The following GABBR2 variants were observed in gnomAD, a reference collection of about 807,000 sequenced individuals.
GABBR2 encodes the protein G-protein coupled receptor 51.
A neutral mutation model predicts 105.6 loss-of-function variants in GABBR2; 23 were observed. The observed-to-expected ratio is 0.22, with a 90% CI of 0.16 to 0.31. GABBR2 has a LOEUF of 0.31. Among genes scored for constraint, GABBR2 ranks in the 10% least tolerant of loss-of-function variants. The pLI is 1.00. For synonymous variants in GABBR2, 478 were observed against 499.7 expected (o/e 0.96, Z 0.58); for missense variants, 734 against 1,245.5 (o/e 0.59, Z 6.18).
chr9:98,301,801 C>A (rs183412212), intron 16 of GABBR2, among the ~76,000 whole-genome samples: 2 of 152,260 alleles, frequency 1.3e-5, no homozygotes, highest in African/African-American at 4.8e-5. Context: ...TGAAACAGAG[C>A]CTGTAATGGG....
intron 6 of GABBR2, among the ~76,000 whole-genome samples, chr9:98,471,981 C>G (rs1379852167): frequency 6.6e-6 from 1 of 152,148 alleles, no homozygotes; most frequent in African/African-American, 2.4e-5. Context: ...GAGCTGTTTA[C>G]AAAATATGTC....
intron 11 of GABBR2, among the ~76,000 whole-genome samples, chr9:98,378,860 G>A (rs1831922891): frequency 6.6e-6 from 1 of 152,220 alleles, no homozygotes; most frequent in Non-Finnish European, 1.5e-5. Context: ...AAAATTCACT[G>A]AGTGCCACAC....
intron 11 of GABBR2, among the ~76,000 whole-genome samples, chr9:98,372,966 TTTTTC>T (rs1477005324): frequency 2.6e-5 from 4 of 152,066 alleles, no homozygotes; most frequent in Admixed American, 2.0e-4. Context: ...TTTCTTTTTC[TTTTTC>T]TTTTTTTTTA....
intron 11 of GABBR2, among the ~76,000 whole-genome samples, chr9:98,372,011 G>T (rs1003543664): frequency 3.9e-5 from 6 of 152,186 alleles, no homozygotes; most frequent in African/African-American, 1.4e-4. Context: ...ACCTCAGAAG[G>T]TCAGTTAGTC....
rs532713686 is a variant in GABBR2, at chr9:98,579,513, G to C, written c.322-1441C>G. Among the ~76,000 whole-genome samples the C allele has an allele frequency of 6.6e-5, 10 of 152,256 alleles. No individual in the cohort carries two copies. The East Asian group carries it at 1.9e-3, about 29-fold the overall frequency. ...GCAAGTTCAACCCCTCCACCATCTA[G>C]CTGTCTGAGGGTCCTTTGTCAAACA... On this transcript the variant is annotated intron_variant, in intron 1 of 18. Coordinates refer to ENST00000259455, the MANE Select transcript of GABBR2 (RefSeq NM_005458.8).
At chr9:98,334,807 G>A (rs1285286312) in intron 13 of GABBR2, among the ~76,000 whole-genome samples, 1 of 152,172 alleles carries the variant, frequency 6.6e-6, no homozygotes, top group Non-Finnish European at 1.5e-5. Context: ...CTTTGTCAAG[G>A]ACAAAACAAC....
chr9:98,653,429 A>C (rs1218513633), intron 1 of GABBR2, among the ~76,000 whole-genome samples: 1 of 152,254 alleles, frequency 6.6e-6, no homozygotes, highest in African/African-American at 2.4e-5. Context: ...AAAGAAAATG[A>C]GCATTGGTAT....
rs182269469 is a variant in GABBR2 at position 98,316,261 on chromosome 9, C to T, written c.1894-5056G>A. On this transcript the variant is annotated intron_variant, in intron 13 of 18. Transcript: ENST00000259455. ...CTGCCTCCTGGGTTCAAGCGATTCT[C>T]CTGCCTCAGGCTCCCGAATAGCTGG... Among the ~76,000 whole-genome samples the T allele has an allele frequency of 1.0e-3, 155 of 152,202 alleles. 1 individual carries two copies. The highest frequency in any genetic ancestry group is 3.5e-3 in the African/African-American group (144 of 41,526).
At chr9:98,370,808 A>G (rs1831767352) in intron 12 of GABBR2, among the ~76,000 whole-genome samples, 1 of 152,194 alleles carries the variant, frequency 6.6e-6, no homozygotes, top group South Asian at 2.1e-4. Flanking sequence ...ACTAAGAGTC[A>G]AGGTCTGGCA....
intron 3 of GABBR2, among the ~76,000 whole-genome samples, chr9:98,535,003 A>T (rs1205896627): frequency 6.6e-6 from 1 of 152,216 alleles, no homozygotes; most frequent in Non-Finnish European, 1.5e-5. Flanking sequence ...TGAATGGATA[A>T]ACTGTGGTAC....
intron 2 of GABBR2, among the ~76,000 whole-genome samples, chr9:98,542,474 A>G (rs544498765): frequency 4.5e-4 from 69 of 152,284 alleles, no homozygotes; most frequent in African/African-American, 1.7e-3. Context: ...TATACCATAA[A>G]TTTACTGAAT....
At chr9:98,296,842 TTTTTGACTGTACTTATCA>T (rs1333340202) in intron 17 of GABBR2, among the ~76,000 whole-genome samples, 197 of 152,288 alleles carry the variant, frequency 1.3e-3, no homozygotes, top group Middle Eastern at 6.8e-3. Flanking sequence ...TTGTTTGATT[TTTTTGACTGTACTTATCA>T]TGGCTTTTGC....
intron 1 of GABBR2, among the ~76,000 whole-genome samples, chr9:98,660,670 AG>A (rs1050463599): frequency 2.0e-5 from 3 of 152,212 alleles, no homozygotes; most frequent in Non-Finnish European, 4.4e-5. Context: ...GCTAAAGTCA[AG>A]GTTTTGGCGG....
intron 13 of GABBR2, among the ~76,000 whole-genome samples, chr9:98,325,710 C>T (rs999146659): frequency 6.6e-6 from 1 of 152,198 alleles, no homozygotes; most frequent in Non-Finnish European, 1.5e-5. Flanking sequence ...GCACCCTGTT[C>T]ACCTGGGGCT....
intron 11 of GABBR2, chr9:98,375,195 C>T (rs78380004): frequency 0.049 from 7,522 of 152,412 alleles, 209 homozygotes; most frequent in Non-Finnish European, 0.06. Context: ...TCAGTCTTTC[C>T]CCTCACATCA....
At chr9:98,609,566 C>A (rs1052632416) in intron 1 of GABBR2, among the ~76,000 whole-genome samples, 3 of 152,186 alleles carry the variant, frequency 2.0e-5, no homozygotes, top group African/African-American at 7.2e-5. Flanking sequence ...GTGGGCTGAG[C>A]CCTAAGCCCT....
At chr9:98,533,748 C>T (rs1346679344) in intron 3 of GABBR2, among the ~76,000 whole-genome samples, 1 of 152,110 alleles carries the variant, frequency 6.6e-6, no homozygotes, top group Non-Finnish European at 1.5e-5. Context: ...GACGGCACAC[C>T]TGGAGCCAGC....
intron 16 of GABBR2, among the ~76,000 whole-genome samples, chr9:98,301,030 C>G (rs1457706586): frequency 4.6e-5 from 7 of 152,198 alleles, no homozygotes; most frequent in Admixed American, 4.6e-4. Flanking sequence ...CAGGGAAGCT[C>G]CACACCCCTT....
At position 98,473,202 on chromosome 9, in the gene GABBR2, T is replaced by C. The variant is rs769962887; in HGVS notation, c.943A>G (p.Ile315Val). The C allele has an allele frequency of 2.5e-6, 4 of 1,613,914 alleles. No homozygotes were observed. Among genetic ancestry groups the C allele is most frequent in the East Asian group, 2.2e-5 (1 of 44,844 alleles). The change falls in exon 6 of 19, where the codon ATT becomes GTT. Residue 315 changes from isoleucine (I) to valine (V), a missense_variant. Transcript: ENST00000259455. ...KNLLAAMEGYIGVDFEPLSSK... is the reference protein window; with the variant it reads ...KNLLAAMEGYVGVDFEPLSSK... ...CTCAGGGGCTCGAAATCCACGCCAATGTAGCCCTCCATGGCAGCAAGCAGA... is the reference window on the plus strand; with the variant it reads ...CTCAGGGGCTCGAAATCCACGCCAACGTAGCCCTCCATGGCAGCAAGCAGA...
Sources: gnomAD v4.1 joint callset for allele counts (sites outside exome capture counted in the v4.1 genomes callset) on GRCh38, gnomAD v4.1.1 for gene constraint, MANE v1.5 for transcripts, NCBI Gene and HGNC (gene_info 2026-07-23, HGNC 2026-07-21) for gene names.